PXDNL: variants seen among roughly 807,000 people sequenced by gnomAD.
PXDNL encodes the protein probable oxidoreductase PXDNL.
A neutral mutation model predicts 150.8 loss-of-function variants in PXDNL; 145 were observed. That is an observed-to-expected ratio of 0.96 (90% CI 0.84 to 1.10). The LOEUF (loss-of-function observed/expected upper bound fraction) is 1.10. PXDNL is among the 50% of genes least tolerant of loss of function. PXDNL has a pLI of 0.00. For missense variants in PXDNL, 2,087 were observed against 1,873.9 expected, an observed-to-expected ratio of 1.11 and a Z score of -2.10; for synonymous variants, 757 against 725.7, an observed-to-expected ratio of 1.04 and a Z score of -0.69.
At chr8:51,406,070 C>A (rs891694758) in intron 17 of PXDNL, among the ~76,000 whole-genome samples, 1 of 152,174 alleles carries the variant, frequency 6.6e-6, no homozygotes, top group Non-Finnish European at 1.5e-5. Context: ...TGGACAGTGG[C>A]CGACAGTGGA....
intron 1 of PXDNL, among the ~76,000 whole-genome samples, chr8:51,760,040 T>C (rs150292249): frequency 3.5e-4 from 54 of 152,308 alleles, no homozygotes; most frequent in African/African-American, 1.0e-3. Context: ...AATTCCCTAA[T>C]AATTAGCTCA....
rs190392500 is a variant in PXDNL, at chr8:51,742,726, A to T, written c.164+66455T>A. The stretch of plus-strand genomic sequence containing the variant: ...CAAGATGGCAGAAGTGAAGCCAGAC[A>T]AATAAGCTATAACAAATTTCATGGA... On this transcript the variant is annotated intron_variant, in intron 1 of 22. Transcript: ENST00000356297. 9.6e-3 allele frequency among the ~76,000 whole-genome samples: 1,461 copies of T among 152,216 alleles called. 15 individuals carry two copies. The highest frequency in any genetic ancestry group is 0.013 in the Non-Finnish European group (899 of 68,004).
chr8:51,772,081 C>T (rs1246622244), intron 1 of PXDNL, among the ~76,000 whole-genome samples: 2 of 152,016 alleles, frequency 1.3e-5, no homozygotes, highest in African/African-American at 2.4e-5. Flanking sequence ...GGTGTCTCTC[C>T]CTCTCCTGCT....
At chr8:51,608,638 C>A (rs1168458337) in intron 2 of PXDNL, among the ~76,000 whole-genome samples, 1 of 148,640 alleles carries the variant, frequency 6.7e-6, no homozygotes, top group Non-Finnish European at 1.5e-5. Flanking sequence ...GAGATCCAGA[C>A]CATCCTGGCT....
intron 17 of PXDNL, among the ~76,000 whole-genome samples, chr8:51,392,899 A>G (rs2915496): frequency 0.96 from 145,825 of 152,256 alleles, 70,157 homozygotes; most frequent in East Asian, 1. Flanking sequence ...TAATATCAAA[A>G]TTCCTCAATT....
Position 51,490,727 on chromosome 8 carries a change from AGTGTGTGTGT to A in PXDNL, c.453-7023_453-7014del, listed in dbSNP as rs35415972. ...CTCATCAGTATGTAATTGACTTTCTAGTGTGTGTGTGTGTGTGTGTGTGTGTGTGTGTGTG... is the reference window on the plus strand; with the variant it reads ...CTCATCAGTATGTAATTGACTTTCTAGTGTGTGTGTGTGTGTGTGTGTGTG... On this transcript the variant is annotated intron_variant, in intron 5 of 22. Transcript: ENST00000356297. Among the ~76,000 whole-genome samples, 117 of 147,242 alleles carry A rather than the reference AGTGTGTGTGT, an allele frequency of 7.9e-4. 1 individual carries two copies. The highest frequency in any genetic ancestry group is 1.5e-3 in the South Asian group (7 of 4,612).
chr8:51,522,885 A>AG (rs71550266), intron 4 of PXDNL, among the ~76,000 whole-genome samples: 3,608 of 152,126 alleles, frequency 0.024, 148 homozygotes, highest in African/African-American at 0.082. Flanking sequence ...CAAAAAAAAA[A>AG]CAGAGAATGT....
chr8:51,445,271 G>A (rs1045038150), intron 12 of PXDNL, among the ~76,000 whole-genome samples: 2 of 152,120 alleles, frequency 1.3e-5, no homozygotes, highest in African/African-American at 4.8e-5. Context: ...ACTTTCAATA[G>A]TTCTATAGTC....
chr8:51,722,718 A>G (rs1816754163), intron 1 of PXDNL, among the ~76,000 whole-genome samples: 1 of 152,024 alleles, frequency 6.6e-6, no homozygotes, highest in Non-Finnish European at 1.5e-5. Flanking sequence ...TCTCTTCTTT[A>G]TGTTGCACTA....
chr8:51,787,045 G>C (rs1487320232), intron 1 of PXDNL, among the ~76,000 whole-genome samples: 1 of 146,398 alleles, frequency 6.8e-6, no homozygotes, highest in African/African-American at 2.5e-5. Context: ...CAGCACATCT[G>C]TTTACAGCAG....
At chr8:51,387,889 T>C (rs555378365) in intron 17 of PXDNL, among the ~76,000 whole-genome samples, 1 of 152,288 alleles carries the variant, frequency 6.6e-6, no homozygotes, top group East Asian at 1.9e-4. Flanking sequence ...TCTGGACTTA[T>C]ATTAATTATT....
chr8:51,365,057 C>T (rs964566430), intron 19 of PXDNL, among the ~76,000 whole-genome samples: 2 of 152,302 alleles, frequency 1.3e-5, no homozygotes, highest in Admixed American at 6.5e-5. Flanking sequence ...TCTCTTGCCT[C>T]AGCCTCCCAA....
intron 1 of PXDNL, among the ~76,000 whole-genome samples, chr8:51,718,218 G>A (rs1226314648): frequency 3.3e-5 from 5 of 152,092 alleles, no homozygotes; most frequent in African/African-American, 1.2e-4. Context: ...ACAGCCACAG[G>A]CAGCCTCAGG....
chr8:51,578,002 GAAGGAAGGAAGGAAGGA>G (rs1813116354), intron 3 of PXDNL, among the ~76,000 whole-genome samples: 1 of 55,086 alleles, frequency 1.8e-5, no homozygotes, highest in African/African-American at 1.0e-4. Flanking sequence ...AAAGAAAGAG[GAAGGAAGGAAGGAAGGA>G]AGGAAGGAAG....
Position 51,592,718 on chromosome 8 carries a change from CAAAT to C in PXDNL, c.237-24_237-21del, listed in dbSNP as rs770005756. The C allele has an allele frequency of 6.6e-7, 1 of 1,514,710 alleles. No homozygotes were observed. Among genetic ancestry groups the C allele is most frequent in the Non-Finnish European group, 8.9e-7 (1 of 1,121,466 alleles). 93.8% of individuals were successfully genotyped at this position (1,514,710 alleles called of 1,614,324 possible). A position where few individuals can be genotyped will look rare whatever the true frequency, so the allele number is the denominator to read the frequency against. Reference sequence around the variant, plus strand: ...AGCAGACTGAAAAAGCAAAAACAAACAAATAATTCCCAAATGAGAAACAGACTCT... The same window carrying C: ...AGCAGACTGAAAAAGCAAAAACAAACAATTCCCAAATGAGAAACAGACTCT... On this transcript the variant is annotated intron_variant, in intron 2 of 22. Coordinates refer to ENST00000356297, the MANE Select transcript of PXDNL (RefSeq NM_144651.5).
chr8:51,788,958 T>A (rs541463176), intron 1 of PXDNL, among the ~76,000 whole-genome samples: 1 of 141,276 alleles, frequency 7.1e-6, no homozygotes, highest in Non-Finnish European at 1.5e-5. Flanking sequence ...GTCCTGTGGA[T>A]ACAGAATTAA....
chr8:51,464,777 T>C (rs1016478606), intron 8 of PXDNL, among the ~76,000 whole-genome samples: 9 of 152,062 alleles, frequency 5.9e-5, no homozygotes, highest in Admixed American at 5.2e-4. Context: ...AGATGACAGG[T>C]TGATGGGTGC....
At chr8:51,517,830 A>T (rs940311253) in intron 4 of PXDNL, among the ~76,000 whole-genome samples, 2 of 152,188 alleles carry the variant, frequency 1.3e-5, no homozygotes, top group Non-Finnish European at 2.9e-5. Context: ...AATATTAATG[A>T]CTATTTTTTT....
At chr8:51,401,384 G>A (rs1808243927) in intron 17 of PXDNL, among the ~76,000 whole-genome samples, 1 of 152,120 alleles carries the variant, frequency 6.6e-6, no homozygotes, top group African/African-American at 2.4e-5. Flanking sequence ...GAGATCTGAG[G>A]GAGAAGGGAA....
Sources: allele counts gnomAD v4.1 joint callset (sites outside exome capture counted in the v4.1 genomes callset), GRCh38; gene constraint gnomAD v4.1.1; transcripts MANE v1.5; gene names NCBI Gene and HGNC (gene_info 2026-07-23, HGNC 2026-07-21).